The following HMGN5 variants were observed in gnomAD, a reference collection of about 807,000 sequenced individuals.
HMGN5 encodes high mobility group nucleosome binding domain 5, also known as high mobility group nucleosome-binding domain-containing protein 5.
A neutral mutation model predicts 9.5 loss-of-function variants in HMGN5; 4 were observed. The observed-to-expected ratio is 0.42, with a 90% CI of 0.21 to 0.96. The LOEUF (loss-of-function observed/expected upper bound fraction) is 0.96. Among genes scored for constraint, HMGN5 ranks in the 40% least tolerant of loss-of-function variants. The probability of loss-of-function intolerance (pLI) is 0.30; values close to 1 mark genes in which losing one functional copy is unlikely to be tolerated. For missense variants in HMGN5, 192 were observed against 187.5 expected (o/e 1.02, Z -0.14); for synonymous variants, 55 against 57.1 (o/e 0.96, Z 0.16).
At chrX:81,129,463 CT>C (rs1052157418) in intron 1 of HMGN5, among the ~76,000 whole-genome samples, 3 of 110,318 alleles carry the variant, frequency 2.7e-5, no homozygotes, top group African/African-American at 9.9e-5. Flanking sequence ...CTTTCTTTTT[CT>C]ACTGGATTTT....
At chrX:81,151,424 G>A (rs1183249641) in intron 1 of HMGN5, among the ~76,000 whole-genome samples, 4 of 111,104 alleles carry the variant, frequency 3.6e-5, no homozygotes, top group African/African-American at 6.6e-5. Context: ...TTGACTTGGC[G>A]ATGTAGGCTC....
chrX:81,121,856 C>T (rs1281090960), intron 1 of HMGN5, among the ~76,000 whole-genome samples, 184 bp from the exon 2 acceptor site: 2 of 112,698 alleles, frequency 1.8e-5, no homozygotes, highest in African/African-American at 3.2e-5. Flanking sequence ...CGTTCCCTGT[C>T]GGCTCTAACC....
chrX:81,117,948 T>C (rs2075258906), intron 5 of HMGN5, among the ~76,000 whole-genome samples: 1 of 110,360 alleles, frequency 9.1e-6, no homozygotes, highest in African/African-American at 3.3e-5. Flanking sequence ...CACCAGAGTA[T>C]ATAAGTCCAT....
intron 1 of HMGN5, among the ~76,000 whole-genome samples, chrX:81,128,648 G>A (rs1476009053): frequency 9.0e-6 from 1 of 111,012 alleles, no homozygotes; most frequent in African/African-American, 3.3e-5. Context: ...GGCCCACACT[G>A]GAGATAAAAA....
chrX:81,159,527 A>G (rs1268795985), intron 1 of HMGN5, among the ~76,000 whole-genome samples: 2 of 111,871 alleles, frequency 1.8e-5, no homozygotes, highest in Non-Finnish European at 3.8e-5. Flanking sequence ...GGAGAGTTCA[A>G]TAAGAGTCCT....
intron 1 of HMGN5, among the ~76,000 whole-genome samples, chrX:81,177,222 A>G (rs1302184872): frequency 9.2e-6 from 1 of 108,267 alleles, no homozygotes; most frequent in Non-Finnish European, 1.9e-5. Flanking sequence ...AAAAATTTCA[A>G]CCCAGAATTT....
chrX:81,200,141 C>T (rs929140109), intron 1 of HMGN5, among the ~76,000 whole-genome samples: 10 of 112,621 alleles, frequency 8.9e-5, no homozygotes, highest in African/African-American at 3.2e-4. Context: ...CATCACTGGT[C>T]ATGAGAGAAA....
rs774558963 is a variant in HMGN5 at position 81,183,943 on chromosome X, C to T, written c.-124+17794G>A. ...TTTACAGGCTCTTAGGTGGAAAGGA[C>T]TTGCCTTGTCTCAAATGAGACTTTG... On this transcript the variant is annotated intron_variant, in intron 1 of 6. Transcript: ENST00000358130. 2.7e-5 allele frequency among the ~76,000 whole-genome samples: 3 copies of T among 111,857 alleles called. No individual in the cohort carries two copies. The South Asian group carries it at 1.1e-3, about 42-fold the overall frequency.
intron 1 of HMGN5, among the ~76,000 whole-genome samples, chrX:81,198,783 C>T (rs2075516422): frequency 9.0e-6 from 1 of 111,596 alleles, no homozygotes; most frequent in South Asian, 3.7e-4. Context: ...ACTGAATGGA[C>T]AAAAACTGGA....
intron 1 of HMGN5, among the ~76,000 whole-genome samples, chrX:81,143,883 G>A (rs1322357459): frequency 8.9e-6 from 1 of 112,299 alleles, no homozygotes; most frequent in African/African-American, 3.2e-5. Flanking sequence ...AAGCCACATG[G>A]AAGTTTGAAC....
chrX:81,135,874 A>C (rs2147549988), intron 1 of HMGN5, among the ~76,000 whole-genome samples: 1 of 111,542 alleles, frequency 9.0e-6, no homozygotes, highest in African/African-American at 3.3e-5. Context: ...TTAGGTCATT[A>C]AGATGGATTA....
chrX:81,143,098 C>A, intron 1 of HMGN5, among the ~76,000 whole-genome samples: 1 of 109,319 alleles, frequency 9.1e-6, no homozygotes, highest in African/African-American at 3.3e-5. Context: ...ATTTGCAAGC[C>A]TCATGATAAC....
intron 1 of HMGN5, among the ~76,000 whole-genome samples, chrX:81,133,809 G>A (rs929834617): frequency 9.0e-6 from 1 of 111,123 alleles, no homozygotes; most frequent in Non-Finnish European, 1.9e-5. Context: ...AAACCTCCAT[G>A]ACACACATTT....
At chrX:81,153,034 T>C (rs1190688391) in intron 1 of HMGN5, among the ~76,000 whole-genome samples, 1 of 102,208 alleles carries the variant, frequency 9.8e-6, no homozygotes, top group Non-Finnish European at 2.0e-5. Flanking sequence ...TTGGGAGATA[T>C]ACCTAATGCT....
At chrX:81,168,153 T>C (rs1350505470) in intron 1 of HMGN5, among the ~76,000 whole-genome samples, 1 of 112,273 alleles carries the variant, frequency 8.9e-6, no homozygotes, top group African/African-American at 3.2e-5. Context: ...AATGCTTCTC[T>C]CTCTATAGGC....
chrX:81,188,488 T>G (rs1360980322), intron 1 of HMGN5, among the ~76,000 whole-genome samples: 1 of 109,429 alleles, frequency 9.1e-6, no homozygotes, highest in African/African-American at 3.3e-5. Context: ...TTTTTTTATA[T>G]ATATATACTT....
intron 1 of HMGN5, among the ~76,000 whole-genome samples, chrX:81,183,896 A>G (rs1239420565): frequency 1.8e-5 from 2 of 112,165 alleles, no homozygotes; most frequent in Admixed American, 9.4e-5. Flanking sequence ...TGTATCTTGG[A>G]AGTAACTAAC....
At chrX:81,161,904 A>C (rs1477657296) in intron 1 of HMGN5, among the ~76,000 whole-genome samples, 3 of 109,679 alleles carry the variant, frequency 2.7e-5, no homozygotes, top group Non-Finnish European at 3.8e-5. Flanking sequence ...TCTTATTATA[A>C]AGAATGCAGT....
chrX:81,145,473 G>A (rs191722871), intron 1 of HMGN5, among the ~76,000 whole-genome samples: 1 of 111,844 alleles, frequency 8.9e-6, no homozygotes, highest in Non-Finnish European at 1.9e-5. Context: ...TCACCACCAG[G>A]CCTGCCTTAC....
Sources: allele counts gnomAD v4.1 joint callset (sites outside exome capture counted in the v4.1 genomes callset), GRCh38; gene constraint gnomAD v4.1.1; transcripts MANE v1.5; gene names NCBI Gene and HGNC (gene_info 2026-07-23, HGNC 2026-07-21).